Variants in SLC35F3 observed in about 807,000 individuals in gnomAD.
SLC35F3 encodes putative thiamine transporter SLC35F3.
In SLC35F3, 25 loss-of-function variants were observed where a neutral mutation model predicts 49.9. The observed-to-expected ratio is 0.50, with a 90% CI of 0.37 to 0.70. The LOEUF (loss-of-function observed/expected upper bound fraction) is 0.70. SLC35F3 is among the 30% of genes least tolerant of loss of function. The pLI is 0.00. For synonymous variants in SLC35F3, 275 were observed against 265.4 expected (o/e 1.04, Z -0.35); for missense variants, 525 against 639.8 (o/e 0.82, Z 1.94).
At chr1:233,978,653 G>C (rs537566921) in intron 2 of SLC35F3, among the ~76,000 whole-genome samples, 1 of 152,322 alleles carries the variant, frequency 6.6e-6, no homozygotes, top group African/African-American at 2.4e-5. Context: ...CTCTGCTCCT[G>C]ATGTCTTGCC....
Position 233,943,524 on chromosome 1 carries a change from A to G in SLC35F3, c.283+37766A>G, listed in dbSNP as rs954841572. Among the ~76,000 whole-genome samples the G allele has an allele frequency of 1.3e-5, 2 of 152,216 alleles. 1 individual carries two copies. Among genetic ancestry groups the G allele is most frequent in the South Asian group, 4.1e-4 (2 of 4,834 alleles). On this transcript the variant is annotated intron_variant, in intron 2 of 7. Coordinates refer to ENST00000366618, the MANE Select transcript of SLC35F3 (RefSeq NM_173508.4). ...TGTTGTGTGATATTACATTCCTGGTATAAGAAATGGATGAGTGTTGCAAAT... is the reference window on the plus strand; with the variant it reads ...TGTTGTGTGATATTACATTCCTGGTGTAAGAAATGGATGAGTGTTGCAAAT...
intron 2 of SLC35F3, among the ~76,000 whole-genome samples, chr1:233,971,248 C>A (rs1662987016): frequency 6.6e-6 from 1 of 152,214 alleles, no homozygotes; most frequent in Admixed American, 6.5e-5. Context: ...CCTTTCCAGA[C>A]CCACTTCATC....
intron 2 of SLC35F3, among the ~76,000 whole-genome samples, chr1:233,956,102 A>C (rs1662696510): frequency 6.6e-6 from 1 of 151,818 alleles, no homozygotes; most frequent in Admixed American, 6.6e-5. Context: ...TGGCCAGGCT[A>C]GTCTCAAACT....
chr1:234,037,167 G>A (rs1215196064), intron 2 of SLC35F3, among the ~76,000 whole-genome samples: 4 of 152,178 alleles, frequency 2.6e-5, no homozygotes, highest in Non-Finnish European at 1.5e-5. Context: ...GAGGCATAGT[G>A]CCAGCATCTG....
At chr1:233,912,787 T>G (rs759598306) in intron 2 of SLC35F3, among the ~76,000 whole-genome samples, 1 of 152,212 alleles carries the variant, frequency 6.6e-6, no homozygotes, top group Non-Finnish European at 1.5e-5. Context: ...TGGCACACAA[T>G]TCAAAACTTG....
At chr1:234,058,936 C>G (rs1253928253) in intron 2 of SLC35F3, among the ~76,000 whole-genome samples, 1 of 152,128 alleles carries the variant, frequency 6.6e-6, no homozygotes, top group African/African-American at 2.4e-5. Context: ...TCCATTTCAT[C>G]TAAGTTATCT....
rs1211672022 is a variant in SLC35F3, at chr1:234,323,186, C to T, written c.1416C>T (p.Asp472=). 6.2e-7 allele frequency: 1 copy of T among 1,614,158 alleles called. No individual in the cohort carries two copies. The highest frequency in any genetic ancestry group is 1.7e-5 in the Admixed American group (1 of 60,022). ...AGGAGCCTGCAGAGGGCGCTGCCGA[C>T]CTGAGCTCAGGACCTCAGAGCAAGA... ...KKEEPAEGAA[D]LSSGPQSKNR... is the part of the protein sequence containing the mutation. The change falls in exon 8 of 8, where the codon GAC becomes GAT. Residue 472 remains aspartate (D), a synonymous_variant. Transcript: ENST00000366618. This position sits in a 1 kb window ranked among gnomAD's most constrained non-coding sequence, Gnocchi z 4.5.
chr1:234,062,600 C>T (rs1184974590), intron 2 of SLC35F3, among the ~76,000 whole-genome samples: 1 of 152,070 alleles, frequency 6.6e-6, no homozygotes, highest in African/African-American at 2.4e-5. Flanking sequence ...TTTCCTGGCT[C>T]TGTTGCAAAT....
intron 2 of SLC35F3, among the ~76,000 whole-genome samples, chr1:233,946,707 G>A (rs903640536): frequency 2.6e-5 from 4 of 152,238 alleles, no homozygotes; most frequent in African/African-American, 2.4e-5. Flanking sequence ...AGAAACGTGT[G>A]TTGGACAATG....
intron 2 of SLC35F3, among the ~76,000 whole-genome samples, chr1:233,967,644 C>G (rs1418367949): frequency 6.6e-6 from 1 of 152,124 alleles, no homozygotes; most frequent in Non-Finnish European, 1.5e-5. Context: ...AAATATTCCT[C>G]TAGAAACTAC....
In SLC35F3 at chr1:234,324,315, A is replaced by G. The variant is rs1048256550; in HGVS notation, c.*1072A>G. On this transcript the variant is annotated 3_prime_UTR_variant, in exon 8 of 8. Transcript: ENST00000366618. ...CAGGGGTTAGAGTTTACTATTTTTG[A>G]AGTTTACATTGTTACATATGAAATG... 2 of 152,194 alleles carry G rather than the reference A, an allele frequency of 1.3e-5. No homozygotes were observed. Among genetic ancestry groups the G allele is most frequent in the African/African-American group, 2.4e-5 (1 of 41,430 alleles). 9.4% of individuals were successfully genotyped at this position (152,194 alleles called of 1,614,324 possible).
chr1:234,163,928 T>A (rs1236235247), intron 2 of SLC35F3, among the ~76,000 whole-genome samples: 1 of 152,170 alleles, frequency 6.6e-6, no homozygotes, highest in Non-Finnish European at 1.5e-5. Context: ...ACTGTCAGAT[T>A]TCTTATCCCA....
In SLC35F3 at chr1:234,212,345, C is replaced by T. The variant is rs189972187; in HGVS notation, c.284-19072C>T. 1.4e-4 allele frequency among the ~76,000 whole-genome samples: 21 copies of T among 152,294 alleles called. No homozygotes were observed. In the East Asian group the frequency reaches 2.5e-3, roughly 18 times the overall value. Reference sequence around the variant, plus strand: ...CCAGGAGTGTACAGATGCTCAGGCACGGTGAAGTCATGTATCATATATCAA... The same window carrying T: ...CCAGGAGTGTACAGATGCTCAGGCATGGTGAAGTCATGTATCATATATCAA... On this transcript the variant is annotated intron_variant, in intron 2 of 7. Coordinates refer to ENST00000366618, the MANE Select transcript of SLC35F3 (RefSeq NM_173508.4).
At chr1:234,018,063 G>A (rs1231362227) in intron 2 of SLC35F3, among the ~76,000 whole-genome samples, 1 of 152,036 alleles carries the variant, frequency 6.6e-6, no homozygotes, top group Non-Finnish European at 1.5e-5. Context: ...CAATATGGGA[G>A]ATGAAACAAG....
chr1:234,049,540 G>A (rs1664343701), intron 2 of SLC35F3, among the ~76,000 whole-genome samples: 1 of 152,146 alleles, frequency 6.6e-6, no homozygotes, highest in African/African-American at 2.4e-5. Flanking sequence ...GTGAGAAAAT[G>A]CATTTCTGTT....
chr1:234,241,830 C>T (rs1283499116), intron 3 of SLC35F3, among the ~76,000 whole-genome samples: 2 of 152,078 alleles, frequency 1.3e-5, no homozygotes, highest in South Asian at 2.1e-4. Context: ...GGAACATGGC[C>T]CTGGGTCAGT....
At chr1:234,202,631 C>T (rs1666915609) in intron 2 of SLC35F3, among the ~76,000 whole-genome samples, 1 of 152,212 alleles carries the variant, frequency 6.6e-6, no homozygotes, top group Non-Finnish European at 1.5e-5. Context: ...AGAACACAAG[C>T]CTCCTTCATG....
chr1:234,227,388 CTTTCTTTTTTTTTTTTTTTT>C (rs894602118), intron 2 of SLC35F3, among the ~76,000 whole-genome samples: 5 of 95,992 alleles, frequency 5.2e-5, no homozygotes, highest in African/African-American at 2.7e-4. Flanking sequence ...CTGCCTCTTT[CTTTCTTTTTTTTTTTTTTTT>C]TTTTTTTTGA....
rs554394001 is a variant in SLC35F3 at position 234,243,541 on chromosome 1, T to C, written c.608+11800T>C. Among the ~76,000 whole-genome samples, 7 of 152,250 alleles carry C rather than the reference T, an allele frequency of 4.6e-5. No homozygotes were observed. In the South Asian group the frequency reaches 1.2e-3, roughly 27 times the overall value. On this transcript the variant is annotated intron_variant, in intron 3 of 7. Coordinates refer to ENST00000366618, the MANE Select transcript of SLC35F3 (RefSeq NM_173508.4). ...AAGTGGAGGGAATTCACAAAGTAGATTGAGGGACACATGTAAACGTGCATT... is the reference window on the plus strand; with the variant it reads ...AAGTGGAGGGAATTCACAAAGTAGACTGAGGGACACATGTAAACGTGCATT...
Sources: allele counts gnomAD v4.1 joint callset (sites outside exome capture counted in the v4.1 genomes callset), GRCh38; gene constraint gnomAD v4.1.1; non-coding constraint Gnocchi (gnomAD v3.1); transcripts MANE v1.5; gene names NCBI Gene and HGNC (gene_info 2026-07-23, HGNC 2026-07-21).